The following CNTNAP2 variants were observed in gnomAD, a reference collection of about 807,000 sequenced individuals.
The protein encoded by CNTNAP2 is contactin associated protein 2, also known as contactin-associated protein-like 2.
A neutral mutation model predicts 155.2 loss-of-function variants in CNTNAP2; 98 were observed. That is an observed-to-expected ratio of 0.63 (90% CI 0.54 to 0.75). The LOEUF is 0.75. Among genes scored for constraint, CNTNAP2 ranks in the 30% least tolerant of loss-of-function variants. The pLI is 0.00. For synonymous variants in CNTNAP2, 651 were observed against 631.2 expected, an observed-to-expected ratio of 1.03 and a Z score of -0.47; for missense variants, 1,727 against 1,688.1, an observed-to-expected ratio of 1.02 and a Z score of -0.40.
At chr7:146,328,947 G>A (rs1801138975) in intron 1 of CNTNAP2, among the ~76,000 whole-genome samples, 1 of 152,162 alleles carries the variant, frequency 6.6e-6, no homozygotes, top group Non-Finnish European at 1.5e-5. Flanking sequence ...AGGACACGTA[G>A]GTTGTTTATG....
At chr7:146,438,846 T>C (rs1358075) in intron 1 of CNTNAP2, among the ~76,000 whole-genome samples, 4,260 of 151,552 alleles carry the variant, frequency 0.028, 392 homozygotes, top group African/African-American at 0.099. Flanking sequence ...AAAATAGGGA[T>C]TCATTTTGCT....
chr7:146,245,339 G>A lies in CNTNAP2; in HGVS notation c.97+128366G>A, dbSNP rs181083635. 2.8e-4 allele frequency among the ~76,000 whole-genome samples: 43 copies of A among 152,160 alleles called. 1 individual carries two copies. The highest frequency in any genetic ancestry group is 1.0e-3 in the African/African-American group (42 of 41,422). On this transcript the variant is annotated intron_variant, in intron 1 of 23. Coordinates refer to ENST00000361727, the MANE Select transcript of CNTNAP2 (RefSeq NM_014141.6). ...AGTGAGTACAGCTGAAGGAGCCAGG[G>A]AGCAGAAAGTATATGCGTCAGCTAT... is the stretch of plus-strand genomic sequence containing the variant.
At chr7:147,885,881 G>GA (rs1799592499) in intron 13 of CNTNAP2, among the ~76,000 whole-genome samples, 1 of 152,170 alleles carries the variant, frequency 6.6e-6, no homozygotes, top group African/African-American at 2.4e-5. Context: ...CACAATACAT[G>GA]AATCAGAGGA....
intron 13 of CNTNAP2, among the ~76,000 whole-genome samples, chr7:147,688,624 A>G (rs1796048086): frequency 6.6e-6 from 1 of 152,114 alleles, no homozygotes; most frequent in East Asian, 1.9e-4. Context: ...AAGAGAGGAG[A>G]ATAAAAATTC....
intron 3 of CNTNAP2, among the ~76,000 whole-genome samples, chr7:146,932,402 A>G (rs942118297): frequency 2.0e-5 from 3 of 151,732 alleles, no homozygotes; most frequent in South Asian, 2.1e-4. Context: ...CATGCTAAAA[A>G]CTCTCAATAA....
chr7:146,756,176 A>AT (rs1486303951), intron 1 of CNTNAP2, among the ~76,000 whole-genome samples: 1 of 151,986 alleles, frequency 6.6e-6, no homozygotes, highest in Non-Finnish European at 1.5e-5. Flanking sequence ...ACAAAATTGT[A>AT]TTTTTGCACA....
intron 4 of CNTNAP2, among the ~76,000 whole-genome samples, chr7:147,103,235 G>A (rs765739432): frequency 1.3e-5 from 2 of 152,032 alleles, no homozygotes; most frequent in African/African-American, 4.8e-5. Context: ...GAGATATGCT[G>A]TAAATATACA....
At chr7:148,198,615 T>G (rs1322092710) in intron 18 of CNTNAP2, among the ~76,000 whole-genome samples, 1 of 152,230 alleles carries the variant, frequency 6.6e-6, no homozygotes, top group East Asian at 1.9e-4. Flanking sequence ...TGGAGGACAC[T>G]GTGTTCTTCT....
rs1452510270 is a variant in CNTNAP2 at position 146,736,324 on chromosome 7, T to TA, written c.98-37939dup. Among the ~76,000 whole-genome samples the TA allele has an allele frequency of 3.3e-5, 5 of 151,954 alleles. No homozygotes were observed. The East Asian group carries it at 5.8e-4, about 18-fold the overall frequency. On this transcript the variant is annotated intron_variant, in intron 1 of 23. Coordinates refer to ENST00000361727, the MANE Select transcript of CNTNAP2 (RefSeq NM_014141.6). ...GCAAAATTGTGGCAGTTCAGAACTA[T>TA]AAAAAAAAGTCAAAGACAATGGGAA...
At chr7:147,143,071 C>T (rs1801632074) in intron 8 of CNTNAP2, among the ~76,000 whole-genome samples, 5 of 152,098 alleles carry the variant, frequency 3.3e-5, no homozygotes, top group Admixed American at 2.6e-4. Context: ...ATTATGTCTC[C>T]CTCATATCTG....
chr7:147,878,144 G>GTT (rs869214499), intron 13 of CNTNAP2, among the ~76,000 whole-genome samples: 1 of 95,036 alleles, frequency 1.1e-5, no homozygotes, highest in Non-Finnish European at 2.1e-5. Flanking sequence ...GAAGTTTAGG[G>GTT]TTTTTTTTTT....
intron 8 of CNTNAP2, among the ~76,000 whole-genome samples, chr7:147,182,376 A>T (rs779405246): frequency 6.6e-6 from 1 of 151,996 alleles, no homozygotes; most frequent in African/African-American, 2.4e-5. Flanking sequence ...AATAAATTTC[A>T]TTATAGATGC....
At chr7:147,605,276 C>T (rs1801038871) in intron 12 of CNTNAP2, among the ~76,000 whole-genome samples, 1 of 152,002 alleles carries the variant, frequency 6.6e-6, no homozygotes, top group Non-Finnish European at 1.5e-5. Flanking sequence ...CCTATGAAAT[C>T]AACTGACAGT....
At chr7:148,371,925 G>C (rs1466278264) in intron 21 of CNTNAP2, among the ~76,000 whole-genome samples, 3 of 148,102 alleles carry the variant, frequency 2.0e-5, no homozygotes, top group African/African-American at 7.4e-5. Context: ...AATTGGCTGG[G>C]CGTGGTGGCT....
At chr7:147,446,816 C>T (rs1203434155) in intron 10 of CNTNAP2, among the ~76,000 whole-genome samples, 1 of 152,166 alleles carries the variant, frequency 6.6e-6, no homozygotes, top group Non-Finnish European at 1.5e-5. Context: ...GAAGATACAT[C>T]TTATGCTTTC....
intron 13 of CNTNAP2, among the ~76,000 whole-genome samples, chr7:147,759,310 C>A (rs1342508437): frequency 6.6e-6 from 1 of 152,142 alleles, no homozygotes; most frequent in Non-Finnish European, 1.5e-5. Context: ...GTCTGAATCC[C>A]ATAAGACAGT....
At chr7:146,120,157 C>A (rs549767173) in intron 1 of CNTNAP2, among the ~76,000 whole-genome samples, 107 of 151,820 alleles carry the variant, frequency 7.0e-4, no homozygotes, top group Middle Eastern at 3.5e-3. Flanking sequence ...TCATATACTT[C>A]TCCCAAAATG....
At chr7:147,046,331 GT>G (rs1248340702) in intron 4 of CNTNAP2, among the ~76,000 whole-genome samples, 2 of 152,018 alleles carry the variant, frequency 1.3e-5, no homozygotes, top group Non-Finnish European at 2.9e-5. Flanking sequence ...ATTAGTTCTT[GT>G]TTTTCAAAAA....
intron 20 of CNTNAP2, among the ~76,000 whole-genome samples, chr7:148,247,051 T>C (rs1796274578): frequency 6.6e-6 from 1 of 152,168 alleles, no homozygotes; most frequent in African/African-American, 2.4e-5. Flanking sequence ...TTTCTCTGGA[T>C]AAGAAAACAA....
Sources: allele counts gnomAD v4.1 joint callset (sites outside exome capture counted in the v4.1 genomes callset), GRCh38; gene constraint gnomAD v4.1.1; transcripts MANE v1.5; gene names NCBI Gene and HGNC (gene_info 2026-07-23, HGNC 2026-07-21).